RPA1: variants seen among roughly 807,000 people sequenced by gnomAD.
The protein encoded by RPA1 is replication protein A 70 kDa DNA-binding subunit.
A neutral mutation model predicts 83.0 loss-of-function variants in RPA1; 49 were observed. That is an observed-to-expected ratio of 0.59 (90% confidence interval 0.47 to 0.75). The LOEUF (loss-of-function observed/expected upper bound fraction) is 0.75. RPA1 is among the 30% of genes least tolerant of loss of function. The probability of loss-of-function intolerance (pLI) is 0.00; values close to 1 mark genes in which losing one functional copy is unlikely to be tolerated. For synonymous variants in RPA1, 279 were observed against 281.8 expected (o/e 0.99, Z 0.10); for missense variants, 693 against 776.1 (o/e 0.89, Z 1.27).
rs188562020 is a variant in RPA1 at position 1,858,674 on chromosome 17, A to G, written c.361+5485A>G. On this transcript the variant is annotated intron_variant, in intron 5 of 16. Coordinates refer to ENST00000254719, the MANE Select transcript of RPA1 (RefSeq NM_002945.5). ...GAGACGCGGTTTTGCCATGTTGGCCAGGCTGGTCTTGAACTCCTGCCCTCA... is the reference window on the plus strand; with the variant it reads ...GAGACGCGGTTTTGCCATGTTGGCCGGGCTGGTCTTGAACTCCTGCCCTCA... 2.7e-3 allele frequency among the ~76,000 whole-genome samples: 414 copies of G among 151,844 alleles called. 4 individuals are homozygous for G. The highest frequency in any genetic ancestry group is 8.9e-3 in the African/African-American group (367 of 41,438).
intron 4 of RPA1, among the ~76,000 whole-genome samples, chr17:1,849,170 C>G (rs1209743774): frequency 6.6e-6 from 1 of 151,994 alleles, no homozygotes; most frequent in African/African-American, 2.4e-5. Flanking sequence ...TCTCCCCGTT[C>G]TTGCCAGTAC....
At chr17:1,863,818 T>A (rs1250270397) in intron 5 of RPA1, among the ~76,000 whole-genome samples, 1 of 152,220 alleles carries the variant, frequency 6.6e-6, no homozygotes, top group Non-Finnish European at 1.5e-5. Context: ...AATTTTATTG[T>A]TTTACTAATC....
intron 5 of RPA1, among the ~76,000 whole-genome samples, chr17:1,855,409 G>A (rs375957954): frequency 3.3e-5 from 5 of 151,720 alleles, no homozygotes; most frequent in East Asian, 3.9e-4. Context: ...GGCTGGTCTC[G>A]AACTCCTGAC....
intron 10 of RPA1, 57 bp downstream of exon 10, chr17:1,879,464 G>C (rs147712209): frequency 1.2e-6 from 2 of 1,610,898 alleles, no homozygotes; most frequent in African/African-American, 1.3e-5. Flanking sequence ...TGCAGTGTAC[G>C]GGGTGGTGTC....
chr17:1,842,854 G>T lies in RPA1; in HGVS notation c.84+1G>T. On this transcript the variant is annotated splice_donor_variant, in intron 2 of 16. Transcript: ENST00000254719. LOFTEE classifies it high-confidence loss of function. The stretch of plus-strand genomic sequence containing the variant: ...CATAAAGCCCATCCTCCAAGTCATC[G>T]TAAGTACCTGCGTATGTTATGTTCC... The T allele has an allele frequency of 6.2e-7, 1 of 1,613,842 alleles. No homozygotes were observed. Among genetic ancestry groups the T allele is most frequent in the Non-Finnish European group, 8.5e-7 (1 of 1,179,770 alleles).
intron 16 of RPA1, among the ~76,000 whole-genome samples, chr17:1,895,547 G>T (rs1914378497): frequency 6.6e-6 from 1 of 151,682 alleles, no homozygotes; most frequent in African/African-American, 2.4e-5. Context: ...AGGCCAGCCT[G>T]GGTAACATAG....
At chr17:1,895,838 A>G (rs1027290950) in intron 16 of RPA1, among the ~76,000 whole-genome samples, 3 of 151,812 alleles carry the variant, frequency 2.0e-5, no homozygotes, top group Admixed American at 6.6e-5. Context: ...GCCCGCCACC[A>G]TGCCCGGCTA....
At chr17:1,892,002 AC>A in intron 15 of RPA1, 62 bp downstream of exon 15, 1 of 1,147,274 alleles carries the variant, frequency 8.7e-7, no homozygotes, top group South Asian at 1.6e-5. Context: ...TATAACACTG[AC>A]CCCACACATT....
chr17:1,852,292 CAG>C (rs1480948787), intron 4 of RPA1, among the ~76,000 whole-genome samples: 2 of 152,082 alleles, frequency 1.3e-5, no homozygotes, highest in Non-Finnish European at 2.9e-5. Flanking sequence ...TAAGACGGAG[CAG>C]AGTGTTCTGA....
intron 13 of RPA1, among the ~76,000 whole-genome samples, chr17:1,888,169 G>A (rs1038395389): frequency 3.9e-5 from 6 of 152,180 alleles, no homozygotes; most frequent in Non-Finnish European, 8.8e-5. Context: ...TACAGAAGCA[G>A]CTTGCTGATC....
At chr17:1,842,177 C>T (rs1201126871) in intron 1 of RPA1, among the ~76,000 whole-genome samples, 6 of 151,516 alleles carry the variant, frequency 4.0e-5, no homozygotes, top group East Asian at 1.9e-4. Flanking sequence ...TTTTTTCTGT[C>T]GTAGTAAACC....
intron 1 of RPA1, among the ~76,000 whole-genome samples, chr17:1,831,572 T>C (rs1431939902): frequency 6.6e-6 from 1 of 151,058 alleles, no homozygotes. Flanking sequence ...TATTCCATAC[T>C]CCTACCTTCT....
intron 5 of RPA1, 26 bp downstream of exon 5, chr17:1,853,215 G>A: frequency 3.3e-6 from 5 of 1,517,398 alleles, no homozygotes; most frequent in South Asian, 1.1e-5. Flanking sequence ...GTAGGTTGTA[G>A]CACTCAAATG....
At chr17:1,839,046 T>C (rs1170810897) in intron 1 of RPA1, among the ~76,000 whole-genome samples, 1 of 151,788 alleles carries the variant, frequency 6.6e-6, no homozygotes, top group African/African-American at 2.4e-5. Context: ...GTAGAGACGG[T>C]ATTTCACCGT....
chr17:1,844,613 G>A lies in RPA1; in HGVS notation c.199G>A (p.Glu67Lys). ...GGCGACACAGTTGAACCCTCTCGTG[G>A]AGGAAGAACAATTGTCCAGCAACTG... ...MLATQLNPLV[E>K]EEQLSSNCVC... The change falls in exon 4 of 17, where the codon GAG (glutamate) becomes AAG (lysine). Residue 67 changes from glutamate to lysine, a missense_variant. Physicochemically the swap from Glu to Lys is moderately conservative, Grantham distance 56. Coordinates refer to ENST00000254719, the MANE Select transcript of RPA1 (RefSeq NM_002945.5). 1.2e-6 allele frequency: 2 copies of A among 1,613,698 alleles called. No homozygotes were observed. Among genetic ancestry groups the A allele is most frequent in the Non-Finnish European group, 1.7e-6 (2 of 1,179,874 alleles).
At chr17:1,862,958 TC>T (rs1027088403) in intron 5 of RPA1, among the ~76,000 whole-genome samples, 1 of 151,914 alleles carries the variant, frequency 6.6e-6, no homozygotes, top group African/African-American at 2.4e-5. Flanking sequence ...CCTCAGGTGA[TC>T]TGCCTGCCTC....
intron 1 of RPA1, among the ~76,000 whole-genome samples, chr17:1,835,426 G>A (rs56678027): frequency 6.6e-6 from 1 of 151,924 alleles, no homozygotes; most frequent in African/African-American, 2.4e-5. Flanking sequence ...CAAGTCTTTG[G>A]GATTATAGGC....
At chr17:1,854,315 A>G (rs1474050166) in intron 5 of RPA1, 1 of 152,158 alleles carries the variant, frequency 6.6e-6, no homozygotes, top group Non-Finnish European at 1.5e-5. Flanking sequence ...AGAAAATGAA[A>G]CCATCAAAAA....
intron 4 of RPA1, among the ~76,000 whole-genome samples, chr17:1,844,998 A>T (rs1912202512): frequency 6.6e-6 from 1 of 152,118 alleles, no homozygotes; most frequent in Non-Finnish European, 1.5e-5. Context: ...CATGTTGCCC[A>T]GGCTGGTCTC....
Sources: allele counts gnomAD v4.1 joint callset (sites outside exome capture counted in the v4.1 genomes callset), GRCh38; gene constraint gnomAD v4.1.1; transcripts MANE v1.5; gene names NCBI Gene and HGNC (gene_info 2026-07-23, HGNC 2026-07-21).